Variants in SLC35F4 observed in about 807,000 individuals in gnomAD.
SLC35F4 encodes the protein chromosome 14 open reading frame 36.
Under a neutral mutation model 44.2 loss-of-function variants are expected in SLC35F4, and 24 were observed. The ratio of observed to expected loss-of-function variants is 0.54; its 90% CI spans 0.39 to 0.76. The LOEUF is 0.76. Among genes scored for constraint, SLC35F4 ranks in the 30% least tolerant of loss-of-function variants. The pLI is 0.00. For missense variants in SLC35F4, 562 were observed against 586.1 expected (o/e 0.96, Z 0.42); for synonymous variants, 238 against 223.6 (o/e 1.06, Z -0.57).
intron 1 of SLC35F4, among the ~76,000 whole-genome samples, chr14:57,979,034 T>C (rs1237543328): frequency 6.6e-6 from 1 of 152,190 alleles, no homozygotes; most frequent in East Asian, 1.9e-4. Flanking sequence ...TGTCATATTG[T>C]GAACAGACAA....
chr14:57,638,711 C>A (rs1018164463), intron 1 of SLC35F4, among the ~76,000 whole-genome samples: 1 of 152,066 alleles, frequency 6.6e-6, no homozygotes, highest in Non-Finnish European at 1.5e-5. Flanking sequence ...AGGAAGGCTA[C>A]TACAGGAAAG....
intron 1 of SLC35F4, among the ~76,000 whole-genome samples, chr14:57,962,539 C>T (rs555772519): frequency 2.0e-5 from 3 of 152,292 alleles, no homozygotes; most frequent in African/African-American, 4.8e-5. Flanking sequence ...TCCTACAGGA[C>T]ATCTCAAGGC....
At chr14:57,769,853 G>T (rs2077320554) in intron 1 of SLC35F4, among the ~76,000 whole-genome samples, 1 of 152,038 alleles carries the variant, frequency 6.6e-6, no homozygotes, top group Non-Finnish European at 1.5e-5. Flanking sequence ...CTGATATAAG[G>T]GTTTTAAATG....
intron 1 of SLC35F4, among the ~76,000 whole-genome samples, chr14:57,767,518 A>G: frequency 6.6e-6 from 1 of 152,136 alleles, no homozygotes; most frequent in East Asian, 1.9e-4. Flanking sequence ...ACAACATATC[A>G]ATATATGTAG....
intron 1 of SLC35F4, among the ~76,000 whole-genome samples, chr14:57,731,937 G>T (rs1284005306): frequency 1.3e-5 from 2 of 152,144 alleles, no homozygotes; most frequent in African/African-American, 4.8e-5. Flanking sequence ...TATTGTGGGG[G>T]TTAATATCAT....
At chr14:57,617,580 TA>T (rs2071918697) in intron 1 of SLC35F4, among the ~76,000 whole-genome samples, 2 of 152,220 alleles carry the variant, frequency 1.3e-5, no homozygotes, top group South Asian at 4.1e-4. Context: ...TAGGTGCTCA[TA>T]AAATAGCTGT....
chr14:57,911,963 A>G (rs1393392130), intron 1 of SLC35F4, among the ~76,000 whole-genome samples: 1 of 152,008 alleles, frequency 6.6e-6, no homozygotes, highest in Non-Finnish European at 1.5e-5. Flanking sequence ...TTTAACAGGT[A>G]TAGGCTTAAT....
intron 1 of SLC35F4, among the ~76,000 whole-genome samples, chr14:57,810,542 C>T (rs1415748872): frequency 6.6e-6 from 1 of 152,218 alleles, no homozygotes; most frequent in African/African-American, 2.4e-5. Flanking sequence ...TCTCTTCTCA[C>T]CGTCCTCAGT....
At chr14:57,835,072 T>C (rs988967833) in intron 1 of SLC35F4, among the ~76,000 whole-genome samples, 2 of 152,040 alleles carry the variant, frequency 1.3e-5, no homozygotes, top group African/African-American at 4.8e-5. Flanking sequence ...ACTAGAATGG[T>C]TGAAGTATTA....
chr14:57,600,383 A>G (rs528901299), intron 1 of SLC35F4, among the ~76,000 whole-genome samples: 2 of 152,292 alleles, frequency 1.3e-5, no homozygotes, highest in East Asian at 3.9e-4. Context: ...ATTTTTTCTT[A>G]CAAAAAGATA....
At chr14:57,638,610 C>T (rs1432022077) in intron 1 of SLC35F4, among the ~76,000 whole-genome samples, 1 of 152,074 alleles carries the variant, frequency 6.6e-6, no homozygotes, top group Non-Finnish European at 1.5e-5. Context: ...AATAAAGTCT[C>T]CTTTCAAATT....
intron 1 of SLC35F4, among the ~76,000 whole-genome samples, chr14:57,757,946 G>C (rs1291849678): frequency 6.7e-6 from 1 of 149,906 alleles, no homozygotes; most frequent in Admixed American, 6.7e-5. Context: ...TGTGATAAAG[G>C]CTTTATTTCT....
intron 1 of SLC35F4, among the ~76,000 whole-genome samples, chr14:57,707,081 TG>T (rs1362226328): frequency 6.6e-6 from 1 of 152,112 alleles, no homozygotes; most frequent in Admixed American, 6.6e-5. Context: ...TAAAAGGTAT[TG>T]GGAAAAAGAA....
At chr14:57,791,695 C>T (rs1197793291) in intron 1 of SLC35F4, among the ~76,000 whole-genome samples, 3 of 152,134 alleles carry the variant, frequency 2.0e-5, no homozygotes, top group Non-Finnish European at 2.9e-5. Flanking sequence ...TTCACAATAG[C>T]AAAGACTTGG....
chr14:57,786,990 G>A (rs530612007), intron 1 of SLC35F4, among the ~76,000 whole-genome samples: 2 of 152,270 alleles, frequency 1.3e-5, no homozygotes, highest in African/African-American at 2.4e-5. Context: ...GAAAGGTGAA[G>A]CCCAGTGCAA....
At chr14:57,665,145 G>A (rs1014296310) in intron 1 of SLC35F4, among the ~76,000 whole-genome samples, 11 of 140,972 alleles carry the variant, frequency 7.8e-5, no homozygotes, top group Non-Finnish European at 1.4e-4. Flanking sequence ...CCACCACCCC[G>A]CACACACACA....
At chr14:57,921,518 T>C (rs1420862542) in intron 1 of SLC35F4, among the ~76,000 whole-genome samples, 2 of 152,260 alleles carry the variant, frequency 1.3e-5, no homozygotes, top group Non-Finnish European at 2.9e-5. Flanking sequence ...ATGGTTGCCA[T>C]GGCAAGGAAC....
intron 1 of SLC35F4, among the ~76,000 whole-genome samples, chr14:57,745,606 A>G (rs944392041): frequency 3.3e-5 from 5 of 152,194 alleles, no homozygotes; most frequent in African/African-American, 1.2e-4. Flanking sequence ...GAGGATGTGG[A>G]GAAATAGGAA....
chr14:57,860,060 T>C (rs1887550542), intron 1 of SLC35F4, among the ~76,000 whole-genome samples: 1 of 152,084 alleles, frequency 6.6e-6, no homozygotes, highest in Admixed American at 6.5e-5. Context: ...TGGGATTAAA[T>C]GAGCTCACTC....
Sources: gnomAD v4.1 joint callset for allele counts (sites outside exome capture counted in the v4.1 genomes callset) on GRCh38, gnomAD v4.1.1 for gene constraint, MANE v1.5 for transcripts, NCBI Gene and HGNC (gene_info 2026-07-23, HGNC 2026-07-21) for gene names.